The following PITPNC1 variants were observed in gnomAD, a reference collection of about 807,000 sequenced individuals.
PITPNC1 encodes phosphatidylinositol transfer protein cytoplasmic 1, also known as cytoplasmic phosphatidylinositol transfer protein 1.
In PITPNC1, 18 loss-of-function variants were observed where a neutral mutation model predicts 44.7. That is an observed-to-expected ratio of 0.40 (90% CI 0.28 to 0.60). The LOEUF (loss-of-function observed/expected upper bound fraction) is 0.60, where lower values mean the gene tolerates loss of function less well. Ranked by LOEUF, PITPNC1 falls within the 20% of genes least tolerant of loss-of-function variation. The probability of loss-of-function intolerance (pLI) is 0.39; values close to 1 mark genes in which losing one functional copy is unlikely to be tolerated. For missense variants in PITPNC1, 290 were observed against 418.4 expected, an observed-to-expected ratio of 0.69 and a Z score of 2.68; for synonymous variants, 141 against 149.6, an observed-to-expected ratio of 0.94 and a Z score of 0.42.
intron 4 of PITPNC1, among the ~76,000 whole-genome samples, chr17:67,554,491 T>C (rs1159307836): frequency 6.6e-6 from 1 of 152,036 alleles, no homozygotes; most frequent in African/African-American, 2.4e-5. Context: ...CTCCTGACCT[T>C]AGGCGATCCG....
intron 1 of PITPNC1, among the ~76,000 whole-genome samples, chr17:67,487,286 TG>T (rs1466177883): frequency 4.6e-5 from 7 of 152,006 alleles, no homozygotes; most frequent in Non-Finnish European, 7.4e-5. Flanking sequence ...GCAATTCTCT[TG>T]CCACAGCCTC....
chr17:67,647,877 G>T (rs577247308), intron 6 of PITPNC1, among the ~76,000 whole-genome samples: 2 of 152,192 alleles, frequency 1.3e-5, no homozygotes, highest in South Asian at 4.2e-4. Flanking sequence ...GTGCTCCCGG[G>T]CATGGTAAAC....
In PITPNC1 at chr17:67,607,131, T is replaced by G. The variant is rs116887609; in HGVS notation, c.367-25012T>G. ...GCACAACTTTGGGTTGCTATCTTTTTGCCCTGCGCTGCTGTAGGAAGAGAC... is the reference window on the plus strand; with the variant it reads ...GCACAACTTTGGGTTGCTATCTTTTGGCCCTGCGCTGCTGTAGGAAGAGAC... On this transcript the variant is annotated intron_variant, in intron 5 of 8. Transcript: ENST00000581322. 4.6e-5 allele frequency among the ~76,000 whole-genome samples: 7 copies of G among 152,356 alleles called. No individual in the cohort carries two copies. The East Asian group carries it at 1.3e-3, about 29-fold the overall frequency.
At chr17:67,445,278 A>G (rs1422257676) in intron 1 of PITPNC1, among the ~76,000 whole-genome samples, 3 of 152,040 alleles carry the variant, frequency 2.0e-5, no homozygotes. Flanking sequence ...GACGTTAGGC[A>G]GATAAGGGAA....
intron 1 of PITPNC1, among the ~76,000 whole-genome samples, chr17:67,432,348 CGTG>C (rs2038868917): frequency 1.3e-5 from 2 of 151,888 alleles, no homozygotes; most frequent in Admixed American, 1.3e-4. Flanking sequence ...ATTAGCCGGG[CGTG>C]GTGGTGGGCA....
rs2042117936 is a variant in PITPNC1, at chr17:67,643,926, AGTTT to A, written c.462+11694_462+11697del. On this transcript the variant is annotated intron_variant, in intron 6 of 8. Transcript: ENST00000581322. The stretch of plus-strand genomic sequence containing the variant: ...TGGCCACCGTGAGTGGCGTCACAGG[AGTTT>A]GTTTGCGTGTCGCTTTTCCCTTGTC... Among the ~76,000 whole-genome samples the A allele has an allele frequency of 1.3e-5, 2 of 151,886 alleles. 1 individual carries two copies. Among genetic ancestry groups the A allele is most frequent in the South Asian group, 4.2e-4 (2 of 4,808 alleles).
chr17:67,589,741 G>T (rs1031405565), intron 5 of PITPNC1, among the ~76,000 whole-genome samples: 9 of 152,178 alleles, frequency 5.9e-5, no homozygotes, highest in African/African-American at 1.9e-4. Flanking sequence ...GCCAAAGTAG[G>T]TGGATCATCT....
chr17:67,640,914 C>T (rs762009769), intron 6 of PITPNC1, among the ~76,000 whole-genome samples: 1 of 151,880 alleles, frequency 6.6e-6, no homozygotes, highest in Non-Finnish European at 1.5e-5. Flanking sequence ...CGTTTGAACC[C>T]GGAAGGCAAA....
intron 2 of PITPNC1, among the ~76,000 whole-genome samples, chr17:67,540,983 G>A (rs2040598184): frequency 6.6e-6 from 1 of 152,154 alleles, no homozygotes; most frequent in Admixed American, 6.5e-5. Context: ...TTGGGAGGCT[G>A]AGGCAGATGG....
chr17:67,588,513 G>C (rs2041351046), intron 5 of PITPNC1, among the ~76,000 whole-genome samples: 1 of 152,030 alleles, frequency 6.6e-6, no homozygotes, highest in Non-Finnish European at 1.5e-5. Context: ...AGGGCACGAA[G>C]CCTCCCTTTG....
At chr17:67,559,490 A>T (rs1275953534) in intron 4 of PITPNC1, among the ~76,000 whole-genome samples, 4 of 152,212 alleles carry the variant, frequency 2.6e-5, no homozygotes, top group African/African-American at 9.7e-5. Flanking sequence ...AAAGGGAAAT[A>T]TCCTTTTTTT....
chr17:67,517,150 C>T (rs182543929), intron 1 of PITPNC1, among the ~76,000 whole-genome samples: 61 of 152,318 alleles, frequency 4.0e-4, no homozygotes, highest in Admixed American at 2.0e-3. Context: ...TGCCTGCGAT[C>T]GTTGTTCAAT....
intron 5 of PITPNC1, among the ~76,000 whole-genome samples, chr17:67,588,509 C>T (rs1310517067): frequency 1.3e-5 from 2 of 152,110 alleles, no homozygotes; most frequent in Admixed American, 6.6e-5. Flanking sequence ...ACCCAGGGCA[C>T]GAAGCCTCCC....
chr17:67,434,482 T>G (rs1357271863), intron 1 of PITPNC1, among the ~76,000 whole-genome samples: 3 of 152,086 alleles, frequency 2.0e-5, no homozygotes, highest in African/African-American at 7.2e-5. Flanking sequence ...CACAGAGCTG[T>G]AATCTTTGGT....
At chr17:67,526,028 C>G (rs141808620) in intron 1 of PITPNC1, among the ~76,000 whole-genome samples, 3 of 152,170 alleles carry the variant, frequency 2.0e-5, no homozygotes, top group Non-Finnish European at 4.4e-5. Flanking sequence ...GCCTTGAGGT[C>G]CCCAGGCGGG....
intron 1 of PITPNC1, among the ~76,000 whole-genome samples, chr17:67,486,022 T>C (rs2039773329): frequency 6.6e-6 from 1 of 152,242 alleles, no homozygotes; most frequent in East Asian, 1.9e-4. Context: ...TGATGCTCCT[T>C]AGACGCATTA....
chr17:67,421,676 C>A (rs891281152), intron 1 of PITPNC1, among the ~76,000 whole-genome samples: 1 of 152,158 alleles, frequency 6.6e-6, no homozygotes, highest in Admixed American at 6.5e-5. Flanking sequence ...TGGGTACCCT[C>A]ACCCCAGTTA....
In PITPNC1 at chr17:67,693,101, G is replaced by C. The variant is rs569927742; in HGVS notation, c.*213G>C. ...AGATGTAAGATGTAAGACTTGCAAA[G>C]GACAGAAGGAATCTTCTGTAACCAC... is the stretch of plus-strand genomic sequence containing the variant. On this transcript the variant is annotated 3_prime_UTR_variant, in exon 9 of 9. Coordinates refer to ENST00000581322, the MANE Select transcript of PITPNC1 (RefSeq NM_012417.4). The C allele has an allele frequency of 1.9e-6, 1 of 521,490 alleles. No homozygotes were observed. The highest frequency in any genetic ancestry group is 3.2e-5 in the East Asian group (1 of 31,622). 32.3% of individuals were successfully genotyped at this position (521,490 alleles called of 1,614,324 possible). A position where few individuals can be genotyped will look rare whatever the true frequency, so the allele number is the denominator to read the frequency against.
chr17:67,668,284 G>GT (rs1348526797), intron 6 of PITPNC1, among the ~76,000 whole-genome samples: 8 of 152,280 alleles, frequency 5.3e-5, no homozygotes, highest in African/African-American at 1.9e-4. Flanking sequence ...ATCAGTGAGA[G>GT]TTGTACACGT....
Sources: gnomAD v4.1 joint callset for allele counts (sites outside exome capture counted in the v4.1 genomes callset) on GRCh38, gnomAD v4.1.1 for gene constraint, MANE v1.5 for transcripts, NCBI Gene and HGNC (gene_info 2026-07-23, HGNC 2026-07-21) for gene names.